The following TEX11 variants were observed in gnomAD, a reference collection of about 807,000 sequenced individuals.
TEX11 encodes the protein testis-expressed protein 11.
TEX11 carries 7 observed loss-of-function variants against 84.4 expected under a neutral mutation model. The observed-to-expected ratio is 0.08, with a 90% CI of 0.05 to 0.16. The LOEUF is 0.16. TEX11 is among the 10% of genes least tolerant of loss of function. The pLI is 1.00. For synonymous variants in TEX11, 264 were observed against 222.8 expected, an observed-to-expected ratio of 1.18 and a Z score of -1.64; for missense variants, 551 against 660.5, an observed-to-expected ratio of 0.83 and a Z score of 1.82.
At chrX:70,735,203 C>G (rs1416015977) in intron 11 of TEX11, among the ~76,000 whole-genome samples, 2 of 111,003 alleles carry the variant, frequency 1.8e-5, no homozygotes, top group African/African-American at 6.6e-5. Flanking sequence ...CAGGCATGCA[C>G]CACCATGTCT....
chrX:70,628,924 T>C (rs2089478834), intron 18 of TEX11, among the ~76,000 whole-genome samples: 1 of 112,582 alleles, frequency 8.9e-6, no homozygotes, highest in African/African-American at 3.2e-5. Context: ...AAGATGGTTT[T>C]CCTATTTAAA....
intron 2 of TEX11, among the ~76,000 whole-genome samples, chrX:70,891,208 C>T (rs919360684): frequency 1.2e-4 from 13 of 111,497 alleles, no homozygotes; most frequent in Non-Finnish European, 2.4e-4. Context: ...GACATCTACA[C>T]CAAAACCCCA....
At position 70,580,160 on chromosome X, in the gene TEX11, A is replaced by T. The variant is rs944435051; in HGVS notation, c.2140+11591T>A. Among the ~76,000 whole-genome samples, 3 of 112,375 alleles carry T rather than the reference A, an allele frequency of 2.7e-5. No individual in the cohort carries two copies. The Admixed American group carries it at 2.8e-4, about 11-fold the overall frequency. On this transcript the variant is annotated intron_variant, in intron 25 of 29. Coordinates refer to ENST00000374333, the MANE Select transcript of TEX11 (RefSeq NM_031276.3). Reference sequence around the variant, plus strand: ...AGATCTAGTCATTTGCAACAATATGAATGGGACTGGAGGTCATTATGTTAA... The same window carrying T: ...AGATCTAGTCATTTGCAACAATATGTATGGGACTGGAGGTCATTATGTTAA...
In TEX11 at chrX:70,613,981, C is replaced by T. The variant is rs558086563; in HGVS notation, c.1752-3438G>A. 2.5e-4 allele frequency among the ~76,000 whole-genome samples: 28 copies of T among 110,889 alleles called. No homozygotes were observed. In the South Asian group the frequency reaches 9.8e-3, roughly 39 times the overall value. ...TGCCTTGAAGGGAAGGACCCAGTCC[C>T]GGAAGGATCCATCACCTGTTGACTG... On this transcript the variant is annotated intron_variant, in intron 20 of 29. Coordinates refer to ENST00000374333, the MANE Select transcript of TEX11 (RefSeq NM_031276.3).
chrX:70,718,477 A>T (rs779241394), intron 13 of TEX11, among the ~76,000 whole-genome samples: 1 of 112,247 alleles, frequency 8.9e-6, no homozygotes, highest in South Asian at 3.7e-4. Flanking sequence ...TAAATTTTAC[A>T]TTTGTGTAAC....
intron 17 of TEX11, among the ~76,000 whole-genome samples, chrX:70,636,218 G>C (rs2089571088): frequency 9.0e-6 from 1 of 110,814 alleles, no homozygotes; most frequent in African/African-American, 3.3e-5. Flanking sequence ...AGGCCAGCCA[G>C]TGTGTCTCCA....
At chrX:70,635,151 G>T (rs1262657599) in intron 17 of TEX11, among the ~76,000 whole-genome samples, 1 of 111,952 alleles carries the variant, frequency 8.9e-6, no homozygotes, top group East Asian at 2.8e-4. Context: ...CCTGGCTGTG[G>T]CACAGAAATA....
intron 12 of TEX11, among the ~76,000 whole-genome samples, chrX:70,724,528 G>T (rs1217130252): frequency 9.0e-6 from 1 of 111,533 alleles, no homozygotes; most frequent in South Asian, 3.7e-4. Context: ...TTACTGAAAA[G>T]CATGTACAAC....
At chrX:70,661,973 A>G (rs1288299918) in intron 16 of TEX11, among the ~76,000 whole-genome samples, 1 of 112,371 alleles carries the variant, frequency 8.9e-6, no homozygotes, top group Non-Finnish European at 1.9e-5. Flanking sequence ...CTCCTCCTCC[A>G]AAGGAATGCA....
At chrX:70,564,258 A>AACAG (rs2088420516) in intron 25 of TEX11, among the ~76,000 whole-genome samples, 1 of 111,588 alleles carries the variant, frequency 9.0e-6, no homozygotes, top group Non-Finnish European at 1.9e-5. Context: ...CAAACAAACA[A>AACAG]AAAAGACACT....
At chrX:70,681,172 T>C (rs2147656739) in intron 14 of TEX11, among the ~76,000 whole-genome samples, 1 of 112,810 alleles carries the variant, frequency 8.9e-6, no homozygotes, top group South Asian at 3.7e-4. Flanking sequence ...ACAAAAGTCT[T>C]GACTAGAACA....
intron 25 of TEX11, among the ~76,000 whole-genome samples, chrX:70,565,700 G>T (rs1477186821): frequency 2.5e-4 from 27 of 109,088 alleles, no homozygotes; most frequent in African/African-American, 7.7e-4. Context: ...GTTTGTCAAA[G>T]ATCAGATAGT....
At chrX:70,754,931 C>T (rs182123917) in intron 9 of TEX11, among the ~76,000 whole-genome samples, 85 of 111,935 alleles carry the variant, frequency 7.6e-4, no homozygotes, top group South Asian at 4.5e-3. Context: ...GCTTGGGATG[C>T]CCCCTAAAAC....
intron 7 of TEX11, among the ~76,000 whole-genome samples, chrX:70,840,275 G>C (rs189279237): frequency 1.8e-5 from 2 of 111,935 alleles, no homozygotes; most frequent in African/African-American, 3.2e-5. Flanking sequence ...ACTAACAGCT[G>C]ATCTCTCTGC....
chrX:70,707,970 AT>A (rs762847351), intron 13 of TEX11, among the ~76,000 whole-genome samples: 12 of 111,227 alleles, frequency 1.1e-4, no homozygotes, highest in African/African-American at 3.3e-4. Context: ...CATAAAAAAA[AT>A]CTATCAAAAG....
chrX:70,759,826 C>T (rs985721753), intron 9 of TEX11, among the ~76,000 whole-genome samples: 12 of 111,493 alleles, frequency 1.1e-4, no homozygotes, highest in Admixed American at 1.9e-4. Flanking sequence ...GTCAAATTGT[C>T]GCTGTTTGCA....
In TEX11 at chrX:70,867,649, C is replaced by T. The variant is rs1411262669; in HGVS notation, c.244+5574G>A. On this transcript the variant is annotated intron_variant, in intron 4 of 29. Transcript: ENST00000374333. ...TACTACAAGGCTACAGTAACCAAAA[C>T]AGCATGATACTGGTACCAAAACAAA... Among the ~76,000 whole-genome samples, 4 of 111,254 alleles carry T rather than the reference C, an allele frequency of 3.6e-5. No homozygotes were observed. The Admixed American group carries it at 3.8e-4, about 11-fold the overall frequency.
chrX:70,857,709 G>T (rs897289794), intron 5 of TEX11, among the ~76,000 whole-genome samples: 8 of 111,971 alleles, frequency 7.1e-5, no homozygotes, highest in Non-Finnish European at 1.5e-4. Flanking sequence ...AAATCCTGCA[G>T]AACAAAGTTC....
chrX:70,743,475 A>G (rs1224895564), intron 10 of TEX11, among the ~76,000 whole-genome samples: 2 of 112,307 alleles, frequency 1.8e-5, no homozygotes, highest in East Asian at 5.5e-4. Context: ...ATTTATTTAC[A>G]CAATCACATT....
Sources: gnomAD v4.1 joint callset for allele counts (sites outside exome capture counted in the v4.1 genomes callset) on GRCh38, gnomAD v4.1.1 for gene constraint, MANE v1.5 for transcripts, NCBI Gene and HGNC (gene_info 2026-07-23, HGNC 2026-07-21) for gene names.